The following NEK10 variants were observed in gnomAD, a reference collection of about 807,000 sequenced individuals.
The protein encoded by NEK10 is serine/threonine-protein kinase Nek10.
NEK10 carries 122 observed loss-of-function variants against 159.8 expected under a neutral mutation model. That is an observed-to-expected ratio of 0.76 (90% CI 0.66 to 0.89). The LOEUF is 0.89. NEK10 is among the 40% of genes least tolerant of loss of function. NEK10 has a pLI of 0.00. For missense variants in NEK10, 1,342 were observed against 1,323.1 expected, an observed-to-expected ratio of 1.01 and a Z score of -0.22; for synonymous variants, 466 against 457.1, an observed-to-expected ratio of 1.02 and a Z score of -0.25.
At chr3:27,331,774 G>T (rs1034093502) in intron 5 of NEK10, among the ~76,000 whole-genome samples, 7 of 152,108 alleles carry the variant, frequency 4.6e-5, no homozygotes, top group Non-Finnish European at 8.8e-5. Context: ...TAATAACGTT[G>T]TGATGTTTTC....
Position 27,307,189 on chromosome 3 carries a change from C to A in NEK10, c.803+670G>T, listed in dbSNP as rs565167462. 5.9e-5 allele frequency among the ~76,000 whole-genome samples: 9 copies of A among 152,296 alleles called. 1 individual carries two copies. In the South Asian group the frequency reaches 1.9e-3, roughly 32 times the overall value. On this transcript the variant is annotated intron_variant, in intron 11 of 35. Coordinates refer to ENST00000691995, the MANE Select transcript of NEK10 (RefSeq NM_001394966.1). The stretch of plus-strand genomic sequence containing the variant: ...ATAAGTATTATCTATATTTAATGCT[C>A]TTTTATGAGAGTTTTGAAGAAGAAT...
chr3:27,306,603 C>T (rs683503), intron 11 of NEK10, among the ~76,000 whole-genome samples: 49,236 of 152,002 alleles, frequency 0.32, 9,372 homozygotes, highest in African/African-American at 0.54. Context: ...CATGAGTCCC[C>T]ATAATGTTCA....
At chr3:27,215,685 A>G (rs1951442264) in intron 23 of NEK10, 1 of 647,156 alleles carries the variant, frequency 1.5e-6, no homozygotes, top group Admixed American at 2.3e-5. Flanking sequence ...ACAAAGAAAT[A>G]CCTGAGACTA....
At chr3:27,272,989 A>C (rs889315601) in intron 22 of NEK10, among the ~76,000 whole-genome samples, 2 of 152,134 alleles carry the variant, frequency 1.3e-5, no homozygotes, top group African/African-American at 4.8e-5. Context: ...TTATAAGGAA[A>C]ACAGCTGATT....
intron 29 of NEK10, among the ~76,000 whole-genome samples, chr3:27,163,907 C>T (rs546893963): frequency 2.6e-5 from 4 of 152,260 alleles, no homozygotes; most frequent in Admixed American, 1.3e-4. Flanking sequence ...GCATGCAACA[C>T]CTACCTAAGT....
intron 25 of NEK10, among the ~76,000 whole-genome samples, chr3:27,193,258 A>G (rs922312490): frequency 7.2e-5 from 11 of 152,328 alleles, no homozygotes; most frequent in African/African-American, 2.6e-4. Context: ...CTATTTGGCT[A>G]TTACAACGTC....
At chr3:27,248,974 A>C (rs1955380953) in intron 23 of NEK10, among the ~76,000 whole-genome samples, 1 of 152,098 alleles carries the variant, frequency 6.6e-6, no homozygotes, top group Non-Finnish European at 1.5e-5. Flanking sequence ...ATTATTGTTG[A>C]TAATGGTTTG....
chr3:27,232,510 T>C (rs1575374546), intron 23 of NEK10, among the ~76,000 whole-genome samples: 1 of 151,980 alleles, frequency 6.6e-6, no homozygotes, highest in East Asian at 1.9e-4. Context: ...ACAGATTCAA[T>C]GGAATTTCCA....
chr3:27,296,355 G>A (rs2043352944), intron 14 of NEK10, among the ~76,000 whole-genome samples: 1 of 152,032 alleles, frequency 6.6e-6, no homozygotes, highest in African/African-American at 2.4e-5. Context: ...TACTTAGAGT[G>A]GATACATTAT....
intron 23 of NEK10, among the ~76,000 whole-genome samples, chr3:27,226,320 C>T (rs111427170): frequency 0.085 from 12,867 of 151,610 alleles, 1,796 homozygotes; most frequent in African/African-American, 0.29. Flanking sequence ...GCTAGGATTA[C>T]AGGCGTGAGC....
chr3:27,240,017 G>C (rs1368574484), intron 23 of NEK10, among the ~76,000 whole-genome samples: 1 of 152,138 alleles, frequency 6.6e-6, no homozygotes, highest in African/African-American at 2.4e-5. Context: ...TTACAACTTG[G>C]CTTCAAGAAA....
intron 29 of NEK10, among the ~76,000 whole-genome samples, chr3:27,166,269 C>T (rs7618127): frequency 0.42 from 64,361 of 152,038 alleles, 14,836 homozygotes; most frequent in African/African-American, 0.61. Context: ...TAGTATAATG[C>T]TCCTGTGGCT....
At chr3:27,310,872 G>A (rs1328784359) in intron 9 of NEK10, 77 bp downstream of exon 9, 8 of 868,298 alleles carry the variant, frequency 9.2e-6, no homozygotes, top group Admixed American at 2.1e-5. Context: ...TGACTTAACC[G>A]CAAAGGCTCT....
chr3:27,221,573 T>A (rs1284584575), intron 23 of NEK10, among the ~76,000 whole-genome samples: 1 of 152,222 alleles, frequency 6.6e-6, no homozygotes, highest in Non-Finnish European at 1.5e-5. Context: ...AAACATAGAA[T>A]TACCATATTG....
chr3:27,173,052 AC>A (rs1446021929), intron 28 of NEK10, among the ~76,000 whole-genome samples: 1 of 152,236 alleles, frequency 6.6e-6, no homozygotes, highest in Non-Finnish European at 1.5e-5. Context: ...AATTTCGGTT[AC>A]CTGAGCAATT....
intron 5 of NEK10, among the ~76,000 whole-genome samples, chr3:27,342,909 T>G (rs764037671): frequency 2.6e-5 from 4 of 152,222 alleles, no homozygotes; most frequent in Non-Finnish European, 5.9e-5. Flanking sequence ...CAGAAAACAG[T>G]TGAAATATAT....
intron 23 of NEK10, among the ~76,000 whole-genome samples, chr3:27,250,205 G>C (rs1486489278): frequency 8.3e-6 from 1 of 119,798 alleles, no homozygotes; most frequent in Non-Finnish European, 1.7e-5. Flanking sequence ...TTTTTTTTTT[G>C]AGATGGAGTC....
At chr3:27,137,182 A>C (rs1399433174) in intron 31 of NEK10, among the ~76,000 whole-genome samples, 1 of 152,206 alleles carries the variant, frequency 6.6e-6, no homozygotes, top group East Asian at 1.9e-4. Context: ...TATTCTGGAA[A>C]TACATTTTAA....
At chr3:27,233,259 G>A (rs1435119097) in intron 23 of NEK10, among the ~76,000 whole-genome samples, 2 of 152,038 alleles carry the variant, frequency 1.3e-5, no homozygotes, top group Admixed American at 1.3e-4. Flanking sequence ...CTTAAAAGAA[G>A]ACATAGAAAC....
Sources: gnomAD v4.1 joint callset for allele counts (sites outside exome capture counted in the v4.1 genomes callset) on GRCh38, gnomAD v4.1.1 for gene constraint, MANE v1.5 for transcripts, NCBI Gene and HGNC (gene_info 2026-07-23, HGNC 2026-07-21) for gene names.